TCF7L1: variants seen among roughly 807,000 people sequenced by gnomAD.
TCF7L1 encodes the protein transcription factor 7 like 1.
A neutral mutation model predicts 63.7 loss-of-function variants in TCF7L1; 18 were observed. That is an observed-to-expected ratio of 0.28 (90% confidence interval 0.20 to 0.42). The LOEUF (loss-of-function observed/expected upper bound fraction) is 0.42, where lower values mean the gene tolerates loss of function less well. Among genes scored for constraint, TCF7L1 ranks in the 10% least tolerant of loss-of-function variants. The pLI, the probability that TCF7L1 is intolerant of heterozygous loss-of-function variation, is 1.00. For missense variants in TCF7L1, 654 were observed against 779.3 expected (o/e 0.84, Z 1.91); for synonymous variants, 355 against 340.9 (o/e 1.04, Z -0.46).
chr2:85,245,425 T>C (rs1251335990), intron 3 of TCF7L1, among the ~76,000 whole-genome samples: 1 of 152,162 alleles, frequency 6.6e-6, no homozygotes, highest in Admixed American at 6.6e-5. Context: ...CTGACAAGGC[T>C]TCCCACTGGC....
At chr2:85,298,221 C>T (rs188164224) in intron 4 of TCF7L1, among the ~76,000 whole-genome samples, 1,800 of 122,936 alleles carry the variant, frequency 0.015, 34 homozygotes, top group Middle Eastern at 0.026. Flanking sequence ...AGGCCGGGCG[C>T]GGTGGCTCAC....
intron 3 of TCF7L1, among the ~76,000 whole-genome samples, chr2:85,172,928 C>T (rs1018058065): frequency 2.0e-5 from 3 of 152,160 alleles, no homozygotes; most frequent in Non-Finnish European, 2.9e-5. Flanking sequence ...GGTCATTGCC[C>T]GTCTCCACTC....
intron 3 of TCF7L1, among the ~76,000 whole-genome samples, chr2:85,221,416 C>T (rs1041765268): frequency 6.6e-6 from 1 of 152,198 alleles, no homozygotes; most frequent in Non-Finnish European, 1.5e-5. Flanking sequence ...TGTAACAGCA[C>T]ACCACAAACT....
chr2:85,234,131 C>CTTTTTTTTTTTTTTTTTTTTTTTTTTTT (rs35508338), intron 3 of TCF7L1, among the ~76,000 whole-genome samples: 2 of 65,238 alleles, frequency 3.1e-5, no homozygotes, highest in African/African-American at 1.6e-4. Flanking sequence ...TTTTTCTTTT[C>CTTTTTTTTTTTTTTTTTTTTTTTTTTTT]TTTTTTTTTT....
At chr2:85,294,186 G>A (rs1430854872) in intron 4 of TCF7L1, among the ~76,000 whole-genome samples, 3 of 151,730 alleles carry the variant, frequency 2.0e-5, no homozygotes, top group Non-Finnish European at 2.9e-5. Context: ...ACAGGCACCC[G>A]CCACCACGCC....
At chr2:85,259,583 A>T (rs1680811800) in intron 3 of TCF7L1, among the ~76,000 whole-genome samples, 1 of 152,200 alleles carries the variant, frequency 6.6e-6, no homozygotes, top group Non-Finnish European at 1.5e-5. Context: ...ACTATTGAAG[A>T]TTGTGTGTCT....
intron 3 of TCF7L1, among the ~76,000 whole-genome samples, chr2:85,276,994 C>T (rs1200967933): frequency 6.6e-6 from 1 of 152,046 alleles, no homozygotes; most frequent in Non-Finnish European, 1.5e-5. Flanking sequence ...CAGTAAAGGC[C>T]GTAGCAGGCC....
intron 3 of TCF7L1, among the ~76,000 whole-genome samples, chr2:85,273,530 G>A (rs749517053): frequency 3.0e-4 from 46 of 152,242 alleles, no homozygotes; most frequent in Non-Finnish European, 5.0e-4. Context: ...GGGCAAGGGT[G>A]TGGGGAAATA....
At chr2:85,258,351 G>A (rs1214477334) in intron 3 of TCF7L1, among the ~76,000 whole-genome samples, 2 of 152,166 alleles carry the variant, frequency 1.3e-5, no homozygotes, top group African/African-American at 4.8e-5. Context: ...CCTGAGGCTT[G>A]AGAGCCTGCC....
chr2:85,188,711 T>TA (rs1357688950), intron 3 of TCF7L1, among the ~76,000 whole-genome samples: 8 of 152,204 alleles, frequency 5.3e-5, no homozygotes, highest in Non-Finnish European at 1.2e-4. Flanking sequence ...TTCCATTATT[T>TA]AAAAAATAAA....
intron 3 of TCF7L1, among the ~76,000 whole-genome samples, chr2:85,215,528 C>A (rs905038752): frequency 1.3e-5 from 2 of 152,126 alleles, no homozygotes; most frequent in African/African-American, 2.4e-5. Context: ...GTTCTCAGAG[C>A]GGGAACATGG....
intron 3 of TCF7L1, among the ~76,000 whole-genome samples, chr2:85,166,110 G>C (rs1366294705): frequency 2.0e-5 from 3 of 152,226 alleles, no homozygotes; most frequent in East Asian, 3.9e-4. Context: ...TTTAGCCTCA[G>C]GTCACAGTGG....
Position 85,134,399 on chromosome 2 carries a change from G to A in TCF7L1, c.390G>A (p.Leu130=), listed in dbSNP as rs1420827900. The A allele has an allele frequency of 2.5e-6, 4 of 1,569,628 alleles. No homozygotes were observed. In the South Asian group the frequency reaches 4.7e-5, roughly 18 times the overall value. ...PGYPFLMIPD[L]SSPYLSNGPL... ...ACCCCTTCCTGATGATCCCGGACCT[G>A]AGCAGCCCGTACCTCTCCAACGGAC... Residue 130 remains leucine, a synonymous_variant, in exon 3 of 12, where the codon CTG becomes CTA. Coordinates refer to ENST00000282111, the MANE Select transcript of TCF7L1 (RefSeq NM_031283.3). The surrounding 1 kb of genome is among the most constrained non-coding windows in gnomAD (Gnocchi z 5.0).
chr2:85,134,174 G>A lies in TCF7L1; in HGVS notation c.313+95G>A. ...CACCGTCCCCCTTGCTTGGGTGGACGCACCCTTGCCCTCCGCCTTTATTGG... is the reference window on the plus strand; with the variant it reads ...CACCGTCCCCCTTGCTTGGGTGGACACACCCTTGCCCTCCGCCTTTATTGG... On this transcript the variant is annotated intron_variant, in intron 2 of 11. Transcript: ENST00000282111. This position sits in a 1 kb window ranked among gnomAD's most constrained non-coding sequence, Gnocchi z 5.0. The A allele has an allele frequency of 6.5e-7, 1 of 1,535,792 alleles. No homozygotes were observed. The highest frequency in any genetic ancestry group is 8.8e-7 in the Non-Finnish European group (1 of 1,136,224).
intron 3 of TCF7L1, among the ~76,000 whole-genome samples, chr2:85,258,758 G>A (rs1680783632): frequency 6.6e-6 from 1 of 152,172 alleles, no homozygotes; most frequent in Non-Finnish European, 1.5e-5. Flanking sequence ...GGGGTTGGGG[G>A]GGCTGTCTGC....
intron 3 of TCF7L1, among the ~76,000 whole-genome samples, chr2:85,238,655 A>T (rs1444140605): frequency 6.6e-6 from 1 of 151,978 alleles, no homozygotes. Flanking sequence ...GGAAACAGAG[A>T]GTGAACAGAT....
intron 10 of TCF7L1, 57 bp from the exon 11 acceptor site, chr2:85,307,585 T>C: frequency 1.5e-5 from 22 of 1,487,062 alleles, no homozygotes; most frequent in Non-Finnish European, 2.0e-5. Context: ...TGGGAGCCCC[T>C]GAGAAGCCAG....
intron 3 of TCF7L1, among the ~76,000 whole-genome samples, chr2:85,202,960 A>T (rs190799781): frequency 0.018 from 2,756 of 152,146 alleles, 88 homozygotes; most frequent in African/African-American, 0.063. Context: ...CAGCCTCCCA[A>T]GTAGCTGGGA....
intron 11 of TCF7L1, among the ~76,000 whole-genome samples, chr2:85,308,649 C>T (rs936749156): frequency 1.3e-5 from 2 of 151,856 alleles, no homozygotes; most frequent in African/African-American, 2.4e-5. Context: ...CTACAGAACC[C>T]GCTGTCTGGC....
Sources: allele counts gnomAD v4.1 joint callset (sites outside exome capture counted in the v4.1 genomes callset), GRCh38; gene constraint gnomAD v4.1.1; non-coding constraint Gnocchi (gnomAD v3.1); transcripts MANE v1.5; gene names NCBI Gene and HGNC (gene_info 2026-07-23, HGNC 2026-07-21).